Variants in VWC2L observed in about 807,000 individuals in gnomAD.
The protein encoded by VWC2L is von Willebrand factor C domain containing 2 like.
In VWC2L, 10 loss-of-function variants were observed where a neutral mutation model predicts 21.6. The ratio of observed to expected loss-of-function variants is 0.46; its 90% CI spans 0.29 to 0.78. The LOEUF (loss-of-function observed/expected upper bound fraction) is 0.78. Ranked by LOEUF, VWC2L falls within the 30% of genes least tolerant of loss-of-function variation. The probability of loss-of-function intolerance (pLI) is 0.10; values close to 1 mark genes in which losing one functional copy is unlikely to be tolerated. For missense variants in VWC2L, 209 were observed against 277.1 expected (o/e 0.75, Z 1.74); for synonymous variants, 96 against 94.3 (o/e 1.02, Z -0.10).
intron 3 of VWC2L, among the ~76,000 whole-genome samples, chr2:214,461,143 G>A (rs754390948): frequency 6.1e-4 from 93 of 152,226 alleles, no homozygotes; most frequent in Non-Finnish European, 1.2e-3. Flanking sequence ...GGCCCCAGTC[G>A]TGGCAGCAGT....
chr2:214,573,276 C>T lies in VWC2L; in HGVS notation c.521-2396C>T, dbSNP rs141912285. Reference sequence around the variant, plus strand: ...ACACACATACACACATACGCACGCTCACACGGTTAAGATTCTTCTGACTGT... The same window carrying T: ...ACACACATACACACATACGCACGCTTACACGGTTAAGATTCTTCTGACTGT... On this transcript the variant is annotated intron_variant, in intron 3 of 3. Transcript: ENST00000312504. Among the ~76,000 whole-genome samples, 676 of 152,208 alleles carry T rather than the reference C, an allele frequency of 4.4e-3. 4 individuals are homozygous for T. The highest frequency in any genetic ancestry group is 8.0e-3 in the Admixed American group (122 of 15,270).
At chr2:214,473,993 G>T (rs925959708) in intron 3 of VWC2L, among the ~76,000 whole-genome samples, 18 of 152,056 alleles carry the variant, frequency 1.2e-4, no homozygotes, top group East Asian at 3.9e-4. Context: ...TGTGAAGAAA[G>T]ACCTTAATCA....
chr2:214,554,386 G>A (rs963560000), intron 3 of VWC2L, among the ~76,000 whole-genome samples: 5 of 152,090 alleles, frequency 3.3e-5, no homozygotes, highest in African/African-American at 1.2e-4. Context: ...GGTGTTTTGG[G>A]GGGCCAGACA....
chr2:214,543,954 T>A (rs1012784778), intron 3 of VWC2L, among the ~76,000 whole-genome samples: 15 of 152,198 alleles, frequency 9.9e-5, no homozygotes, highest in African/African-American at 3.1e-4. Context: ...ATCAGAAGGA[T>A]CTATAGCGCT....
At chr2:214,506,116 C>G (rs1669358173) in intron 3 of VWC2L, among the ~76,000 whole-genome samples, 1 of 152,168 alleles carries the variant, frequency 6.6e-6, no homozygotes, top group South Asian at 2.1e-4. Flanking sequence ...AAGATATTAT[C>G]TCATGTTTCT....
chr2:214,443,031 G>T (rs1702785055), intron 3 of VWC2L, among the ~76,000 whole-genome samples: 2 of 152,128 alleles, frequency 1.3e-5, no homozygotes, highest in African/African-American at 4.8e-5. Context: ...TAAAAATAAT[G>T]AAGAGTCTAA....
chr2:214,559,688 C>A (rs1009362585), intron 3 of VWC2L, among the ~76,000 whole-genome samples: 3 of 151,908 alleles, frequency 2.0e-5, no homozygotes, highest in Non-Finnish European at 2.9e-5. Flanking sequence ...CAGCTCACTG[C>A]AGCCTTGAAC....
intron 3 of VWC2L, among the ~76,000 whole-genome samples, chr2:214,485,837 A>C (rs1688665894): frequency 6.6e-6 from 1 of 152,194 alleles, no homozygotes; most frequent in South Asian, 2.1e-4. Flanking sequence ...GACTCTCCAA[A>C]ATGAAGTAAA....
At chr2:214,540,082 G>A (rs554542869) in intron 3 of VWC2L, among the ~76,000 whole-genome samples, 2 of 152,216 alleles carry the variant, frequency 1.3e-5, no homozygotes, top group South Asian at 2.1e-4. Flanking sequence ...TGTTTGGTGA[G>A]AGGCCCATGT....
At chr2:214,425,453 T>C (rs1702508170) in intron 2 of VWC2L, among the ~76,000 whole-genome samples, 2 of 152,252 alleles carry the variant, frequency 1.3e-5, no homozygotes, top group African/African-American at 4.8e-5. Context: ...CTCTTTGCAC[T>C]GATGTATCAT....
chr2:214,478,271 G>A (rs1688553391), intron 3 of VWC2L, among the ~76,000 whole-genome samples: 1 of 152,062 alleles, frequency 6.6e-6, no homozygotes, highest in Admixed American at 6.5e-5. Flanking sequence ...CTGAGGTCAG[G>A]AGTTCAAAAC....
At chr2:214,517,194 T>G (rs1441613293) in intron 3 of VWC2L, among the ~76,000 whole-genome samples, 1 of 152,232 alleles carries the variant, frequency 6.6e-6, no homozygotes, top group Admixed American at 6.5e-5. Context: ...TAACACCTCC[T>G]CCTTAAAATA....
chr2:214,447,707 C>A (rs1326221716), intron 3 of VWC2L, among the ~76,000 whole-genome samples: 1 of 152,062 alleles, frequency 6.6e-6, no homozygotes, highest in Non-Finnish European at 1.5e-5. Context: ...GAAGGTTATC[C>A]CTCTATCTTC....
chr2:214,432,876 G>T (rs747953804), intron 2 of VWC2L, among the ~76,000 whole-genome samples: 1 of 152,076 alleles, frequency 6.6e-6, no homozygotes, highest in Non-Finnish European at 1.5e-5. Context: ...ACAAAAATTA[G>T]CCAGGCATGG....
chr2:214,499,865 T>G (rs978326663), intron 3 of VWC2L, among the ~76,000 whole-genome samples: 1 of 152,156 alleles, frequency 6.6e-6, no homozygotes, highest in Non-Finnish European at 1.5e-5. Context: ...TTCTGAGCAC[T>G]GAGGAGATAA....
At chr2:214,413,305 G>A (rs1162099194) in intron 1 of VWC2L, among the ~76,000 whole-genome samples, 1 of 151,752 alleles carries the variant, frequency 6.6e-6, no homozygotes, top group Admixed American at 6.6e-5. Flanking sequence ...TCAAGTTACT[G>A]TGAAGTAAAT....
chr2:214,551,589 G>A (rs866755110), intron 3 of VWC2L, among the ~76,000 whole-genome samples: 1 of 152,174 alleles, frequency 6.6e-6, no homozygotes, highest in African/African-American at 2.4e-5. Flanking sequence ...GACTATGATT[G>A]ACTCCCATTT....
rs56041924 is a variant in VWC2L at position 214,470,916 on chromosome 2, C to CAAAAAAAAAAAA, written c.520+34174_520+34185dup. Among the ~76,000 whole-genome samples, 22 of 50,798 alleles carry CAAAAAAAAAAAA rather than the reference C, an allele frequency of 4.3e-4. 2 individuals carry two copies. The highest frequency in any genetic ancestry group is 1.9e-3 in the African/African-American group (19 of 9,970). The allele number at this position is 50,798 out of a possible 152,430, so 33.3% of individuals were successfully genotyped here. A position where few individuals can be genotyped will look rare whatever the true frequency, so the allele number is the denominator to read the frequency against. ...TGGGCAACAGAGTGAAACTCCATCT[C>CAAAAAAAAAAAA]AAAAAAAAAAAAAAAAAAAAAAAAA... On this transcript the variant is annotated intron_variant, in intron 3 of 3. Coordinates refer to ENST00000312504, the MANE Select transcript of VWC2L (RefSeq NM_001080500.4).
intron 3 of VWC2L, among the ~76,000 whole-genome samples, chr2:214,537,923 G>T (rs1474307147): frequency 1.5e-5 from 2 of 136,336 alleles, no homozygotes; most frequent in African/African-American, 2.7e-5. Context: ...TTTTTGGTGG[G>T]CTTGCCACGT....
Sources: allele counts gnomAD v4.1 joint callset (sites outside exome capture counted in the v4.1 genomes callset), GRCh38; gene constraint gnomAD v4.1.1; transcripts MANE v1.5; gene names NCBI Gene and HGNC (gene_info 2026-07-23, HGNC 2026-07-21).